Variants in CDK14 observed in about 807,000 individuals in gnomAD.
CDK14 encodes the protein cyclin dependent kinase 14, also known as cyclin-dependent kinase 14.
A neutral mutation model predicts 60.7 loss-of-function variants in CDK14; 34 were observed. That is an observed-to-expected ratio of 0.56 (90% CI 0.43 to 0.75). The LOEUF (loss-of-function observed/expected upper bound fraction) is 0.75. CDK14 is among the 30% of genes least tolerant of loss of function. The probability of loss-of-function intolerance (pLI) is 0.00; values close to 1 mark genes in which losing one functional copy is unlikely to be tolerated. For missense variants in CDK14, 482 were observed against 564.1 expected (o/e 0.85, Z 1.47); for synonymous variants, 197 against 203.7 (o/e 0.97, Z 0.28).
chr7:91,102,628 A>C (rs932981142), intron 12 of CDK14, among the ~76,000 whole-genome samples: 1 of 152,068 alleles, frequency 6.6e-6, no homozygotes, highest in Admixed American at 6.5e-5. Flanking sequence ...AAAAAAAAAA[A>C]ACCCTAAATC....
At position 90,766,970 on chromosome 7, in the gene CDK14, C is replaced by T. The variant is rs1406082063; in HGVS notation, c.464+19195C>T. Among the ~76,000 whole-genome samples the T allele has an allele frequency of 2.0e-5, 3 of 152,078 alleles. No homozygotes were observed. The East Asian group carries it at 5.8e-4, about 29-fold the overall frequency. On this transcript the variant is annotated intron_variant, in intron 4 of 14. Coordinates refer to ENST00000380050, the MANE Select transcript of CDK14 (RefSeq NM_001287135.2). ...AGCAGCTTAACTCCTTCCCTCTGGGCATGAGTGTGAGCCATGTCGAGCCAT... is the reference window on the plus strand; with the variant it reads ...AGCAGCTTAACTCCTTCCCTCTGGGTATGAGTGTGAGCCATGTCGAGCCAT...
chr7:90,764,795 C>A (rs926263492), intron 4 of CDK14, among the ~76,000 whole-genome samples: 14 of 152,162 alleles, frequency 9.2e-5, no homozygotes, highest in African/African-American at 3.4e-4. Flanking sequence ...GTCTCTAGTT[C>A]AGAAGGGTCT....
chr7:90,691,171 G>A (rs1445300013), intron 2 of CDK14, among the ~76,000 whole-genome samples: 1 of 152,062 alleles, frequency 6.6e-6, no homozygotes, highest in African/African-American at 2.4e-5. Context: ...TCTAGTGTGT[G>A]TTTATCTCAG....
chr7:90,628,706 G>A (rs1398414883), intron 2 of CDK14, among the ~76,000 whole-genome samples: 2 of 151,968 alleles, frequency 1.3e-5, no homozygotes, highest in East Asian at 1.9e-4. Flanking sequence ...ATGGGGTTGC[G>A]TGCCTGTAGT....
At chr7:90,641,851 T>G (rs1267688750) in intron 2 of CDK14, among the ~76,000 whole-genome samples, 1 of 152,176 alleles carries the variant, frequency 6.6e-6, no homozygotes, top group Non-Finnish European at 1.5e-5. Flanking sequence ...TTAATGGACT[T>G]ACAGTTCCAC....
chr7:90,694,247 A>G (rs1443528980), intron 2 of CDK14, among the ~76,000 whole-genome samples: 1 of 152,218 alleles, frequency 6.6e-6, no homozygotes, highest in Non-Finnish European at 1.5e-5. Flanking sequence ...GTTAAGAGGA[A>G]AAAGTAATGA....
intron 11 of CDK14, 70 bp downstream of exon 11, chr7:91,046,030 C>T: frequency 9.7e-7 from 1 of 1,033,800 alleles, no homozygotes; most frequent in Admixed American, 1.7e-5. Flanking sequence ...AATGTTCCCT[C>T]TCAAGCAATA....
chr7:91,113,735 G>T (rs1375834461), intron 13 of CDK14, among the ~76,000 whole-genome samples: 1 of 151,894 alleles, frequency 6.6e-6, no homozygotes, highest in Non-Finnish European at 1.5e-5. Context: ...CATAATATTG[G>T]ATTCTCCTTG....
chr7:90,643,691 G>C (rs564102271), intron 2 of CDK14, among the ~76,000 whole-genome samples: 1 of 152,172 alleles, frequency 6.6e-6, no homozygotes, highest in African/African-American at 2.4e-5. Flanking sequence ...TAGGAAGCCA[G>C]ATGACAGCTT....
intron 2 of CDK14, among the ~76,000 whole-genome samples, chr7:90,630,877 T>C (rs904087675): frequency 1.5e-5 from 2 of 133,536 alleles, no homozygotes; most frequent in Admixed American, 7.6e-5. Flanking sequence ...TATTTACATC[T>C]TGGGGTGTGT....
chr7:91,178,965 C>T (rs976753170), intron 14 of CDK14, among the ~76,000 whole-genome samples: 108 of 152,098 alleles, frequency 7.1e-4, no homozygotes, highest in Non-Finnish European at 2.9e-4. Flanking sequence ...TGGGTATATA[C>T]CAAAGGACTA....
At chr7:91,010,901 T>G (rs891706709) in intron 10 of CDK14, among the ~76,000 whole-genome samples, 20 of 138,628 alleles carry the variant, frequency 1.4e-4, no homozygotes, top group African/African-American at 5.0e-4. Context: ...TTATACTGGC[T>G]AGAACCTCCA....
intron 2 of CDK14, among the ~76,000 whole-genome samples, chr7:90,712,377 A>G (rs1766479965): frequency 6.6e-6 from 1 of 151,666 alleles, no homozygotes; most frequent in African/African-American, 2.4e-5. Context: ...GGTACCTCAT[A>G]GTAGATTAAA....
chr7:90,908,326 G>T (rs1034039282), intron 7 of CDK14, among the ~76,000 whole-genome samples: 2 of 152,044 alleles, frequency 1.3e-5, no homozygotes, highest in African/African-American at 4.8e-5. Flanking sequence ...AGGATCATCC[G>T]CTGATTTGTT....
At chr7:90,786,965 C>G (rs531403598) in intron 4 of CDK14, among the ~76,000 whole-genome samples, 6 of 144,338 alleles carry the variant, frequency 4.2e-5, no homozygotes, top group Non-Finnish European at 9.1e-5. Flanking sequence ...TATACATGAA[C>G]AAAAGGTAGA....
intron 5 of CDK14, among the ~76,000 whole-genome samples, chr7:90,831,658 C>T (rs1284048779): frequency 6.6e-6 from 1 of 151,440 alleles, no homozygotes; most frequent in Non-Finnish European, 1.5e-5. Context: ...TTCTCTCTTG[C>T]TTGGGCTCTA....
rs1179695080 is a variant in CDK14, at chr7:90,700,915, A to AT, written c.124-25651dup. Among the ~76,000 whole-genome samples the AT allele has an allele frequency of 3.3e-5, 5 of 152,300 alleles. No individual in the cohort carries two copies. The South Asian group carries it at 1.0e-3, about 32-fold the overall frequency. On this transcript the variant is annotated intron_variant, in intron 2 of 14. Transcript: ENST00000380050. ...ATCTTTATACCTCCTGTAGTGATTA[A>AT]TACAAAACTCAATAAATGGTTGGTA... is the stretch of plus-strand genomic sequence containing the variant.
chr7:90,972,914 C>A (rs7788375), intron 9 of CDK14, among the ~76,000 whole-genome samples: 36,481 of 152,086 alleles, frequency 0.24, 4,616 homozygotes, highest in Middle Eastern at 0.31. Context: ...CAGGCCTCAA[C>A]CCATACCCAG....
chr7:90,673,737 A>G (rs919090593), intron 2 of CDK14, among the ~76,000 whole-genome samples: 2 of 152,240 alleles, frequency 1.3e-5, no homozygotes, highest in African/African-American at 2.4e-5. Flanking sequence ...TGTAAATCAC[A>G]AAAGTATAAT....
Sources: allele counts gnomAD v4.1 joint callset (sites outside exome capture counted in the v4.1 genomes callset), GRCh38; gene constraint gnomAD v4.1.1; transcripts MANE v1.5; gene names NCBI Gene and HGNC (gene_info 2026-07-23, HGNC 2026-07-21).